CDK14: variants seen among roughly 807,000 people sequenced by gnomAD.
The protein encoded by CDK14 is cyclin dependent kinase 14, also known as cyclin-dependent kinase 14.
CDK14 carries 34 observed loss-of-function variants against 60.7 expected under a neutral mutation model. The observed-to-expected ratio is 0.56, with a 90% CI of 0.43 to 0.75. The LOEUF (loss-of-function observed/expected upper bound fraction) is 0.75, where lower values mean the gene tolerates loss of function less well. Ranked by LOEUF, CDK14 falls within the 30% of genes least tolerant of loss-of-function variation. CDK14 has a pLI of 0.00. For synonymous variants in CDK14, 197 were observed against 203.7 expected (o/e 0.97, Z 0.28); for missense variants, 482 against 564.1 (o/e 0.85, Z 1.47).
chr7:90,799,393 A>G (rs1788547804), intron 5 of CDK14, among the ~76,000 whole-genome samples: 1 of 152,168 alleles, frequency 6.6e-6, no homozygotes, highest in African/African-American at 2.4e-5. Flanking sequence ...TGGTAGAGCT[A>G]AAAGCTGAAC....
At chr7:91,106,989 A>G (rs1584068764) in intron 12 of CDK14, among the ~76,000 whole-genome samples, 1 of 152,228 alleles carries the variant, frequency 6.6e-6, no homozygotes, top group Non-Finnish European at 1.5e-5. Flanking sequence ...GAGAGGGGTT[A>G]ACTAGGACAC....
chr7:90,690,918 TTAAAG>T (rs1253899764), intron 2 of CDK14, among the ~76,000 whole-genome samples: 2 of 152,118 alleles, frequency 1.3e-5, no homozygotes, highest in Non-Finnish European at 2.9e-5. Context: ...AGTAAGCAAA[TTAAAG>T]TAAAACAGAA....
chr7:91,015,527 T>TG (rs1217000262), intron 10 of CDK14, among the ~76,000 whole-genome samples: 14 of 130,982 alleles, frequency 1.1e-4, no homozygotes, highest in Admixed American at 2.7e-4. Context: ...TTGGGTTTTT[T>TG]TTTTTTTTTT....
chr7:91,175,110 C>T (rs1288830731), intron 14 of CDK14, among the ~76,000 whole-genome samples: 18 of 148,256 alleles, frequency 1.2e-4, no homozygotes, highest in East Asian at 2.0e-4. Context: ...GCGGATCTCT[C>T]GGCAGAAACC....
chr7:90,864,863 C>T (rs1401734873), intron 6 of CDK14, among the ~76,000 whole-genome samples: 1 of 152,088 alleles, frequency 6.6e-6, no homozygotes, highest in African/African-American at 2.4e-5. Flanking sequence ...TGGAGACATC[C>T]CATGTGCTTT....
chr7:90,955,593 A>G, intron 8 of CDK14, 104 bp from the exon 9 acceptor site: 1 of 1,288,992 alleles, frequency 7.8e-7, no homozygotes, highest in East Asian at 2.4e-5. Context: ...CTGATTCTGT[A>G]TTAAAAGGTC....
At chr7:91,091,517 A>ATATATATATATAT (rs1562900714) in intron 12 of CDK14, among the ~76,000 whole-genome samples, 1 of 141,394 alleles carries the variant, frequency 7.1e-6, no homozygotes, top group Non-Finnish European at 1.5e-5. Context: ...ATATATATAT[A>ATATATATATATAT]AATTAGCCAG....
chr7:90,919,078 G>A (rs529483365), intron 8 of CDK14, among the ~76,000 whole-genome samples: 3 of 152,082 alleles, frequency 2.0e-5, no homozygotes, highest in Admixed American at 1.3e-4. Flanking sequence ...GTAGTGGGTG[G>A]AGGAGAGAAG....
intron 3 of CDK14, among the ~76,000 whole-genome samples, chr7:90,744,594 G>A (rs1012595425): frequency 7.9e-5 from 12 of 151,820 alleles, no homozygotes; most frequent in Admixed American, 3.9e-4. Context: ...CGGCCGGGCA[G>A]AAGCGCCCCT....
At chr7:91,022,976 C>T (rs758829144) in intron 10 of CDK14, among the ~76,000 whole-genome samples, 5 of 151,674 alleles carry the variant, frequency 3.3e-5, no homozygotes, top group Non-Finnish European at 7.4e-5. Flanking sequence ...GAAGAAAAAA[C>T]TCTTTGGGCT....
chr7:90,906,633 T>G (rs1387541146), intron 7 of CDK14, among the ~76,000 whole-genome samples: 1 of 152,082 alleles, frequency 6.6e-6, no homozygotes, highest in Admixed American at 6.6e-5. Flanking sequence ...TGTTGATATT[T>G]TGTATATAAT....
At chr7:91,074,473 A>C (rs546429204) in intron 11 of CDK14, among the ~76,000 whole-genome samples, 9 of 152,356 alleles carry the variant, frequency 5.9e-5, no homozygotes, top group Admixed American at 6.5e-5. Flanking sequence ...GAGACAATGT[A>C]CCAGAATCTC....
chr7:91,015,089 T>G (rs572454963), intron 10 of CDK14, among the ~76,000 whole-genome samples: 35 of 152,334 alleles, frequency 2.3e-4, no homozygotes, highest in African/African-American at 7.5e-4. Flanking sequence ...TGACTTTGCC[T>G]TAATCTATTT....
chr7:91,204,970 A>T (rs932208565), intron 14 of CDK14, among the ~76,000 whole-genome samples: 1 of 152,140 alleles, frequency 6.6e-6, no homozygotes, highest in South Asian at 2.1e-4. Context: ...GATGCCCAAC[A>T]TCATCGATCA....
At chr7:90,819,573 G>T (rs1201245698) in intron 5 of CDK14, among the ~76,000 whole-genome samples, 3 of 151,562 alleles carry the variant, frequency 2.0e-5, no homozygotes, top group Non-Finnish European at 2.9e-5. Flanking sequence ...TTCATGGAAT[G>T]ACCCTAAGCA....
intron 3 of CDK14, among the ~76,000 whole-genome samples, chr7:90,747,444 A>T (rs1415683605): frequency 2.0e-5 from 3 of 152,242 alleles, no homozygotes; most frequent in African/African-American, 7.2e-5. Context: ...TCAAAATATT[A>T]ACAGTGGTTT....
intron 9 of CDK14, among the ~76,000 whole-genome samples, chr7:90,962,346 C>T (rs565330122): frequency 1.3e-5 from 2 of 152,078 alleles, no homozygotes; most frequent in Non-Finnish European, 2.9e-5. Context: ...ATTAGCTGGG[C>T]ATGGTGGCAC....
chr7:90,853,547 C>T (rs1790719363), intron 5 of CDK14, among the ~76,000 whole-genome samples: 1 of 152,132 alleles, frequency 6.6e-6, no homozygotes, highest in African/African-American at 2.4e-5. Flanking sequence ...CACTCACACA[C>T]ACCATAAACA....
intron 7 of CDK14, among the ~76,000 whole-genome samples, chr7:90,910,108 T>C (rs935520240): frequency 1.7e-4 from 26 of 152,222 alleles, no homozygotes; most frequent in African/African-American, 5.3e-4. Flanking sequence ...GTCAAGTATG[T>C]CCAAAGTGAC....
Sources: allele counts gnomAD v4.1 joint callset (sites outside exome capture counted in the v4.1 genomes callset), GRCh38; gene constraint gnomAD v4.1.1; transcripts MANE v1.5; gene names NCBI Gene and HGNC (gene_info 2026-07-23, HGNC 2026-07-21).